Variants in FARP1 observed in about 807,000 individuals in gnomAD.
The protein encoded by FARP1 is FERM, ARHGEF and pleckstrin domain-containing protein 1.
Under a neutral mutation model 128.8 loss-of-function variants are expected in FARP1, and 52 were observed. The observed-to-expected ratio is 0.40, with a 90% CI of 0.32 to 0.51. The LOEUF (loss-of-function observed/expected upper bound fraction) is 0.51. Ranked by LOEUF, FARP1 falls within the 20% of genes least tolerant of loss-of-function variation. The pLI, the probability that FARP1 is intolerant of heterozygous loss-of-function variation, is 0.45. For synonymous variants in FARP1, 580 were observed against 551.8 expected (o/e 1.05, Z -0.72); for missense variants, 1,333 against 1,367.9 (o/e 0.97, Z 0.40).
At chr13:98,438,966 C>A in intron 20 of FARP1, 94 bp downstream of exon 20, 2 of 1,466,396 alleles carry the variant, frequency 1.4e-6, no homozygotes, top group South Asian at 1.2e-5. Context: ...AGTGAGGGAC[C>A]TGGGGTAGAG....
intron 11 of FARP1, 104 bp downstream of exon 11, chr13:98,390,984 G>C: frequency 1.3e-6 from 1 of 783,938 alleles, no homozygotes. Flanking sequence ...CAGACTTGAT[G>C]TCCCTTGAGT....
At position 98,452,497 on chromosome 13, in the gene FARP1, G is replaced by A. The variant is rs755995972; in HGVS notation, c.*4180G>A. 6.6e-6 allele frequency: 1 copy of A among 152,656 alleles called. No individual in the cohort carries two copies. The highest frequency in any genetic ancestry group is 2.1e-4 in the South Asian group (1 of 4,836). The allele number at this position is 152,656 out of a possible 1,614,324, so 9.5% of individuals were successfully genotyped here. On this transcript the variant is annotated 3_prime_UTR_variant, in exon 27 of 27. Transcript: ENST00000319562. Reference sequence around the variant, plus strand: ...ATTTGCATTTGTTGAGGTACAAATAGGAGTGTTCTGTAAGAGAGGGGCATT... The same window carrying A: ...ATTTGCATTTGTTGAGGTACAAATAAGAGTGTTCTGTAAGAGAGGGGCATT...
intron 5 of FARP1, among the ~76,000 whole-genome samples, chr13:98,373,533 G>GCCAGACACAC (rs1555341450): frequency 1.4e-4 from 18 of 130,984 alleles, no homozygotes; most frequent in African/African-American, 5.3e-4. Context: ...CAGACAGACA[G>GCCAGACACAC]ACACACACAC....
At chr13:98,385,243 CT>C (rs1190874779) in intron 7 of FARP1, among the ~76,000 whole-genome samples, 2 of 152,118 alleles carry the variant, frequency 1.3e-5, no homozygotes, top group Admixed American at 1.3e-4. Flanking sequence ...ACTCATGGTA[CT>C]TTTGGTTGTT....
At chr13:98,242,697 T>G (rs1302619939) in intron 2 of FARP1, among the ~76,000 whole-genome samples, 1 of 152,210 alleles carries the variant, frequency 6.6e-6, no homozygotes, top group Non-Finnish European at 1.5e-5. Flanking sequence ...GGACTTAATA[T>G]AAAATTTTGA....
chr13:98,240,567 G>A (rs1015658154), intron 2 of FARP1, among the ~76,000 whole-genome samples: 2 of 152,218 alleles, frequency 1.3e-5, no homozygotes, highest in Non-Finnish European at 2.9e-5. Flanking sequence ...TTGGTGGATG[G>A]TCTGGGGCTT....
intron 2 of FARP1, among the ~76,000 whole-genome samples, chr13:98,286,628 GTAAATTGTTCTGTCTTGGGTTTCCC>G (rs1331776358): frequency 6.6e-6 from 1 of 152,074 alleles, no homozygotes; most frequent in Non-Finnish European, 1.5e-5. Flanking sequence ...TCTTTCTTTT[GTAAATTGTTCTGTCTTGGGTTTCCC>G]TTTATCAGCA....
chr13:98,426,284 T>C (rs1364963714), intron 17 of FARP1, among the ~76,000 whole-genome samples: 2 of 152,078 alleles, frequency 1.3e-5, no homozygotes, highest in African/African-American at 4.8e-5. Flanking sequence ...AGCCCAGAAG[T>C]TTGAGAGCAG....
At chr13:98,243,519 C>G (rs1882894065) in intron 2 of FARP1, among the ~76,000 whole-genome samples, 1 of 151,446 alleles carries the variant, frequency 6.6e-6, no homozygotes, top group Admixed American at 6.6e-5. Context: ...GATAGTGAAA[C>G]CCTGTCTCTA....
At chr13:98,278,370 G>T (rs1484297246) in intron 2 of FARP1, among the ~76,000 whole-genome samples, 3 of 152,016 alleles carry the variant, frequency 2.0e-5, no homozygotes, top group Non-Finnish European at 4.4e-5. Flanking sequence ...TTGTGTTTAA[G>T]TGCGTGTTTG....
chr13:98,212,538 G>A (rs893109229), intron 1 of FARP1, among the ~76,000 whole-genome samples: 1 of 149,500 alleles, frequency 6.7e-6, no homozygotes, highest in Non-Finnish European at 1.5e-5. Flanking sequence ...GGGGAGGAAA[G>A]ATGATTGTTT....
intron 2 of FARP1, among the ~76,000 whole-genome samples, chr13:98,253,015 C>T (rs946198380): frequency 2.6e-4 from 39 of 152,152 alleles, no homozygotes; most frequent in Admixed American, 1.6e-3. Flanking sequence ...GCTATGACTG[C>T]GTAGAATTCC....
At chr13:98,198,296 T>C (rs1289004712) in intron 1 of FARP1, among the ~76,000 whole-genome samples, 3 of 152,324 alleles carry the variant, frequency 2.0e-5, no homozygotes, top group Admixed American at 2.0e-4. Context: ...CTTGCTCCTA[T>C]ATCTGCACCT....
At chr13:98,275,368 A>AGAGAG (rs1259525135) in intron 2 of FARP1, among the ~76,000 whole-genome samples, 1 of 135,502 alleles carries the variant, frequency 7.4e-6, no homozygotes, top group Non-Finnish European at 1.6e-5. Flanking sequence ...AGAGAGAGAT[A>AGAGAG]ATATTTATAT....
intron 2 of FARP1, among the ~76,000 whole-genome samples, chr13:98,252,529 G>A (rs1484261382): frequency 1.3e-5 from 2 of 152,184 alleles, no homozygotes; most frequent in Non-Finnish European, 2.9e-5. Context: ...CCCAGCTAAT[G>A]GACAGGAGTG....
intron 17 of FARP1, among the ~76,000 whole-genome samples, chr13:98,428,050 C>T (rs556911179): frequency 6.6e-5 from 10 of 151,994 alleles, no homozygotes; most frequent in East Asian, 5.8e-4. Flanking sequence ...GTGTCTTTCC[C>T]GCTTCGCTCC....
intron 5 of FARP1, among the ~76,000 whole-genome samples, chr13:98,368,929 CTT>C (rs58962751): frequency 6.4e-5 from 9 of 141,128 alleles, no homozygotes; most frequent in Admixed American, 7.1e-5. Context: ...TTATATATAC[CTT>C]TTTTTTTTTT....
chr13:98,291,862 C>T (rs1052784781), intron 2 of FARP1, among the ~76,000 whole-genome samples: 7 of 152,238 alleles, frequency 4.6e-5, no homozygotes, highest in African/African-American at 1.7e-4. Context: ...TTGACACCAT[C>T]TGGCCCAATT....
At chr13:98,419,271 C>G (rs531512540) in intron 16 of FARP1, among the ~76,000 whole-genome samples, 48 of 152,246 alleles carry the variant, frequency 3.2e-4, no homozygotes, top group African/African-American at 1.0e-3. Flanking sequence ...GTCAGGAGTT[C>G]AAGACCAGCC....
Sources: gnomAD v4.1 joint callset for allele counts (sites outside exome capture counted in the v4.1 genomes callset) on GRCh38, gnomAD v4.1.1 for gene constraint, MANE v1.5 for transcripts, NCBI Gene and HGNC (gene_info 2026-07-23, HGNC 2026-07-21) for gene names.